The following ZNF804A variants were observed in gnomAD, a reference collection of about 807,000 sequenced individuals.
ZNF804A encodes the protein zinc finger protein 804A.
ZNF804A carries 2 observed loss-of-function variants against 16.5 expected under a neutral mutation model. The ratio of observed to expected loss-of-function variants is 0.12; its 90% CI spans 0.05 to 0.38. ZNF804A has a LOEUF of 0.38. Among genes scored for constraint, ZNF804A ranks in the 10% least tolerant of loss-of-function variants. The pLI, the probability that ZNF804A is intolerant of heterozygous loss-of-function variation, is 0.99. For missense variants in ZNF804A, 1,473 were observed against 1,390.7 expected (o/e 1.06, Z -0.94); for synonymous variants, 534 against 489.6 (o/e 1.09, Z -1.20).
In ZNF804A at chr2:184,938,547, G is replaced by C. The variant is rs146441592; in HGVS notation, c.3151G>C (p.Val1051Leu). 1 of 1,614,072 alleles carries C rather than the reference G, an allele frequency of 6.2e-7. No individual in the cohort carries two copies. ...HDKFKNVPCE[V>L]YQHILQPNML... Reference sequence around the variant, plus strand: ...CAAATTCAAAAATGTACCATGTGAGGTCTACCAGCACATTCTGCAGCCAAA... The same window carrying C: ...CAAATTCAAAAATGTACCATGTGAGCTCTACCAGCACATTCTGCAGCCAAA... The change falls in exon 4 of 4, where the codon GTC (valine) becomes CTC (leucine). Residue 1051 changes from valine (V) to leucine (L), a missense_variant. By Grantham distance (32) the Val-to-Leu change is conservative (BLOSUM62 1). Coordinates refer to ENST00000302277, the MANE Select transcript of ZNF804A (RefSeq NM_194250.2).
intron 1 of ZNF804A, among the ~76,000 whole-genome samples, chr2:184,859,903 C>T (rs982352384): frequency 3.9e-5 from 6 of 152,204 alleles, no homozygotes; most frequent in Admixed American, 3.3e-4. Flanking sequence ...TCCACAGGGG[C>T]TGCCTTGGCA....
intron 2 of ZNF804A, among the ~76,000 whole-genome samples, chr2:184,913,637 A>G (rs934960119): frequency 1.3e-5 from 2 of 152,122 alleles, no homozygotes; most frequent in Non-Finnish European, 2.9e-5. Flanking sequence ...CGATTCAGTG[A>G]TCATTCAGTT....
At chr2:184,667,025 GAA>G (rs1202090812) in intron 1 of ZNF804A, among the ~76,000 whole-genome samples, 1 of 151,928 alleles carries the variant, frequency 6.6e-6, no homozygotes, top group African/African-American at 2.4e-5. Context: ...TGAGGGTATA[GAA>G]AGGCAAATAA....
At chr2:184,694,687 T>C (rs1255558042) in intron 1 of ZNF804A, among the ~76,000 whole-genome samples, 2 of 152,212 alleles carry the variant, frequency 1.3e-5, no homozygotes, top group East Asian at 3.8e-4. Flanking sequence ...GAAATTTGAA[T>C]TTCAGATAAA....
chr2:184,920,935 A>T (rs931085265), intron 2 of ZNF804A, among the ~76,000 whole-genome samples: 2 of 152,242 alleles, frequency 1.3e-5, no homozygotes, highest in Non-Finnish European at 2.9e-5. Context: ...ACAGGTATGC[A>T]GACCATGGAA....
intron 1 of ZNF804A, among the ~76,000 whole-genome samples, chr2:184,784,303 A>G (rs965737380): frequency 1.3e-5 from 2 of 151,946 alleles, no homozygotes; most frequent in African/African-American, 4.8e-5. Flanking sequence ...ATTAAATCTC[A>G]TATAGCTAGA....
intron 1 of ZNF804A, among the ~76,000 whole-genome samples, chr2:184,641,357 C>CAAAGTATA (rs995236332): frequency 3.3e-5 from 5 of 152,070 alleles, no homozygotes; most frequent in African/African-American, 1.2e-4. Context: ...CATGTAGAAA[C>CAAAGTATA]AAAGTATAAT....
intron 1 of ZNF804A, among the ~76,000 whole-genome samples, chr2:184,638,060 C>A (rs1374055635): frequency 2.0e-5 from 3 of 152,148 alleles, no homozygotes; most frequent in Non-Finnish European, 4.4e-5. Flanking sequence ...GAGAACTTGC[C>A]ATTCAATCCT....
intron 3 of ZNF804A, among the ~76,000 whole-genome samples, chr2:184,934,260 T>C (rs1685750794): frequency 1.3e-5 from 2 of 152,116 alleles, no homozygotes; most frequent in Admixed American, 1.3e-4. Flanking sequence ...CTTTTAAACT[T>C]TGATCTGCTT....
At chr2:184,695,792 A>G (rs1435385567) in intron 1 of ZNF804A, among the ~76,000 whole-genome samples, 1 of 152,108 alleles carries the variant, frequency 6.6e-6, no homozygotes, top group Admixed American at 6.6e-5. Context: ...CTTGTTTGTC[A>G]TGGTATCATT....
intron 1 of ZNF804A, among the ~76,000 whole-genome samples, chr2:184,678,732 A>G (rs1005811943): frequency 2.6e-5 from 4 of 152,222 alleles, no homozygotes; most frequent in Non-Finnish European, 5.9e-5. Context: ...AAGAAAAACA[A>G]TGAACACAAT....
At chr2:184,927,756 C>T (rs1219090490) in intron 2 of ZNF804A, among the ~76,000 whole-genome samples, 1 of 152,170 alleles carries the variant, frequency 6.6e-6, no homozygotes, top group Non-Finnish European at 1.5e-5. Flanking sequence ...ACCCCATGGC[C>T]ACCACCATCA....
At chr2:184,760,688 G>T (rs1694026702) in intron 1 of ZNF804A, among the ~76,000 whole-genome samples, 1 of 152,164 alleles carries the variant, frequency 6.6e-6, no homozygotes, top group Admixed American at 6.5e-5. Flanking sequence ...CCCATCAAGG[G>T]TTGGCTGTTT....
chr2:184,805,605 T>A (rs13012893), intron 1 of ZNF804A, among the ~76,000 whole-genome samples: 50,730 of 151,894 alleles, frequency 0.33, 11,856 homozygotes, highest in African/African-American at 0.67. Context: ...TCACTTTATT[T>A]TTGTGGTCAA....
intron 1 of ZNF804A, among the ~76,000 whole-genome samples, chr2:184,866,010 T>G (rs1321658062): frequency 2.0e-5 from 3 of 152,166 alleles, no homozygotes; most frequent in Non-Finnish European, 2.9e-5. Flanking sequence ...AAAAATTTTA[T>G]GTTAGCTGAG....
chr2:184,801,830 T>C (rs1416200906), intron 1 of ZNF804A, among the ~76,000 whole-genome samples: 1 of 152,154 alleles, frequency 6.6e-6, no homozygotes, highest in Non-Finnish European at 1.5e-5. Flanking sequence ...TAGATTTTCT[T>C]GCCTTTTTGT....
intron 1 of ZNF804A, among the ~76,000 whole-genome samples, chr2:184,733,345 T>A (rs1207002617): frequency 1.3e-5 from 2 of 152,154 alleles, no homozygotes; most frequent in Non-Finnish European, 2.9e-5. Context: ...GATTTTTGAG[T>A]TTTAAATGAG....
chr2:184,875,835 A>C (rs1696046554), intron 2 of ZNF804A, among the ~76,000 whole-genome samples: 1 of 151,316 alleles, frequency 6.6e-6, no homozygotes, highest in South Asian at 2.1e-4. Context: ...AGACTTCTTC[A>C]TCTGCCCTTA....
At chr2:184,866,979 A>G (rs1164757284) in intron 2 of ZNF804A, among the ~76,000 whole-genome samples, 1 of 151,596 alleles carries the variant, frequency 6.6e-6, no homozygotes, top group Non-Finnish European at 1.5e-5. Flanking sequence ...GCTACTATGA[A>G]AACATGTGAA....
Sources: gnomAD v4.1 joint callset for allele counts (sites outside exome capture counted in the v4.1 genomes callset) on GRCh38, gnomAD v4.1.1 for gene constraint, MANE v1.5 for transcripts, NCBI Gene and HGNC (gene_info 2026-07-23, HGNC 2026-07-21) for gene names.